KCNN2: variants seen among roughly 807,000 people sequenced by gnomAD.
The protein encoded by KCNN2 is small conductance calcium-activated potassium channel protein 2.
In KCNN2, 24 loss-of-function variants were observed where a neutral mutation model predicts 55.5. The observed-to-expected ratio is 0.43, with a 90% CI of 0.31 to 0.61. The LOEUF (loss-of-function observed/expected upper bound fraction) is 0.61, where lower values mean the gene tolerates loss of function less well. KCNN2 is among the 20% of genes least tolerant of loss of function. The pLI, the probability that KCNN2 is intolerant of heterozygous loss-of-function variation, is 0.08. For missense variants in KCNN2, 754 were observed against 853.6 expected (o/e 0.88, Z 1.45); for synonymous variants, 431 against 336.1 (o/e 1.28, Z -3.09).
intron 2 of KCNN2, among the ~76,000 whole-genome samples, chr5:114,307,922 A>T (rs993736700): frequency 1.1e-4 from 16 of 151,918 alleles, no homozygotes; most frequent in African/African-American, 3.4e-4. Flanking sequence ...ATTCAGCTTG[A>T]TTCCTCCCCA....
At position 114,158,739 on chromosome 5, in the gene KCNN2, C is replaced by A. The variant is rs552056214; in HGVS notation, c.-270-62741C>A. Among the ~76,000 whole-genome samples, 1,149 of 151,320 alleles carry A rather than the reference C, an allele frequency of 7.6e-3. 14 individuals are homozygous for A. The highest frequency in any genetic ancestry group is 0.025 in the African/African-American group (1,047 of 41,334). ...TTCACATCCCTTGTAAGTTGGATTC[C>A]TAGGTATTTTATTCTCTTTGAAGCA... On this transcript the variant is annotated intron_variant, in intron 1 of 10. Transcript: ENST00000512097.
chr5:114,250,729 C>T (rs1289245604), intron 2 of KCNN2, among the ~76,000 whole-genome samples: 3 of 152,114 alleles, frequency 2.0e-5, no homozygotes, highest in African/African-American at 7.2e-5. Context: ...CAGAGTGAGC[C>T]GTCTATGGTC....
At chr5:114,414,120 T>A (rs1053271786) in intron 3 of KCNN2, among the ~76,000 whole-genome samples, 12 of 152,348 alleles carry the variant, frequency 7.9e-5, no homozygotes, top group South Asian at 2.1e-4. Flanking sequence ...GTATTTTTTT[T>A]AATTTTATAC....
At chr5:114,295,169 C>G (rs545516848) in intron 2 of KCNN2, among the ~76,000 whole-genome samples, 28 of 152,332 alleles carry the variant, frequency 1.8e-4, no homozygotes, top group African/African-American at 6.7e-4. Flanking sequence ...CTTGAGGAGG[C>G]AGTCTGCCCA....
exon 1 of KCNN2, chr5:114,056,188 G>A (rs1212341785): frequency 2.5e-6 from 1 of 394,046 alleles, no homozygotes. Context: ...CGAGTGGGCA[G>A]CGGGGGCCTG....
At chr5:114,415,216 C>T (rs1252192041) in intron 3 of KCNN2, among the ~76,000 whole-genome samples, 1 of 152,174 alleles carries the variant, frequency 6.6e-6, no homozygotes, top group African/African-American at 2.4e-5. Flanking sequence ...CACTCATTCA[C>T]CAGTTGATCT....
At chr5:114,448,854 T>A (rs139312855) in intron 3 of KCNN2, among the ~76,000 whole-genome samples, 2 of 152,362 alleles carry the variant, frequency 1.3e-5, no homozygotes, top group African/African-American at 4.8e-5. Context: ...AACTGCGTAC[T>A]GTAGATGGGG....
intron 1 of KCNN2, among the ~76,000 whole-genome samples, chr5:114,192,693 T>C (rs1007101870): frequency 6.6e-6 from 1 of 152,154 alleles, no homozygotes; most frequent in African/African-American, 2.4e-5. Context: ...TTTGTATGGC[T>C]CAGGGAGGTC....
At chr5:114,323,712 C>T (rs372989023) in intron 2 of KCNN2, among the ~76,000 whole-genome samples, 11 of 133,872 alleles carry the variant, frequency 8.2e-5, no homozygotes, top group East Asian at 2.4e-4. Context: ...CTGGAATGCA[C>T]GGCCTGATCT....
chr5:114,356,390 C>A (rs1456388772), intron 2 of KCNN2, among the ~76,000 whole-genome samples: 2 of 152,134 alleles, frequency 1.3e-5, no homozygotes, highest in African/African-American at 4.8e-5. Context: ...GTGTTTCTAG[C>A]TGCCAAAGGA....
intron 2 of KCNN2, among the ~76,000 whole-genome samples, chr5:114,294,302 T>A (rs1201504878): frequency 6.6e-6 from 1 of 152,172 alleles, no homozygotes; most frequent in Non-Finnish European, 1.5e-5. Flanking sequence ...CAATTTTGGA[T>A]CTTTCCTGCT....
intron 1 of KCNN2, among the ~76,000 whole-genome samples, chr5:114,169,858 A>G (rs1752996666): frequency 6.6e-6 from 1 of 152,100 alleles, no homozygotes; most frequent in Non-Finnish European, 1.5e-5. Context: ...GGAGATAAGG[A>G]CTGATGAAAA....
At chr5:114,440,414 TC>T (rs1309140580) in intron 3 of KCNN2, among the ~76,000 whole-genome samples, 1 of 152,128 alleles carries the variant, frequency 6.6e-6, no homozygotes, top group Non-Finnish European at 1.5e-5. Context: ...TAAAATAACT[TC>T]TAAAGGATTT....
intron 3 of KCNN2, among the ~76,000 whole-genome samples, chr5:114,423,487 A>T (rs923928782): frequency 6.6e-6 from 1 of 152,184 alleles, no homozygotes; most frequent in African/African-American, 2.4e-5. Context: ...CCTTACTTAT[A>T]TTAAGACCTA....
In KCNN2 at chr5:114,276,505, G is replaced by A. The variant is rs571964679; in HGVS notation, c.-185+54940G>A. ...CTCTAAGAATTTGCTTTATGAATCT[G>A]GGTGCTCCTGTATTGGGTGCATATA... On this transcript the variant is annotated intron_variant, in intron 2 of 10. Coordinates refer to the KCNN2 transcript ENST00000512097. Among the ~76,000 whole-genome samples, 7 of 152,162 alleles carry A rather than the reference G, an allele frequency of 4.6e-5. No homozygotes were observed. In the South Asian group the frequency reaches 1.5e-3, roughly 32 times the overall value.
intron 2 of KCNN2, among the ~76,000 whole-genome samples, chr5:114,376,519 A>G (rs772798008): frequency 1.3e-5 from 2 of 152,206 alleles, no homozygotes; most frequent in Non-Finnish European, 2.9e-5. Flanking sequence ...AATGAAAAGC[A>G]ATAGGATAGG....
chr5:114,070,301 C>T (rs1400765899), intron 1 of KCNN2, among the ~76,000 whole-genome samples: 1 of 152,204 alleles, frequency 6.6e-6, no homozygotes, highest in Non-Finnish European at 1.5e-5. Context: ...GGGCAGGACC[C>T]CTGCTGCTCC....
intron 2 of KCNN2, among the ~76,000 whole-genome samples, chr5:114,312,917 C>T (rs1170589591): frequency 6.6e-6 from 1 of 152,084 alleles, no homozygotes; most frequent in Non-Finnish European, 1.5e-5. Flanking sequence ...TCAGTAATTG[C>T]ACAGTGCCTA....
At chr5:114,187,921 T>G (rs1460569644) in intron 1 of KCNN2, among the ~76,000 whole-genome samples, 1 of 151,664 alleles carries the variant, frequency 6.6e-6, no homozygotes, top group Non-Finnish European at 1.5e-5. Flanking sequence ...TTCAAGCAAG[T>G]CTCCTGCCTC....
Sources: allele counts gnomAD v4.1 joint callset (sites outside exome capture counted in the v4.1 genomes callset), GRCh38; gene constraint gnomAD v4.1.1; transcripts MANE v1.5; gene names NCBI Gene and HGNC (gene_info 2026-07-23, HGNC 2026-07-21).